The following ESS2 variants were observed in gnomAD, a reference collection of about 807,000 sequenced individuals.
ESS2 encodes the protein splicing factor ESS-2 homolog.
A neutral mutation model predicts 52.0 loss-of-function variants in ESS2; 31 were observed. The ratio of observed to expected loss-of-function variants is 0.60; its 90% CI spans 0.45 to 0.81. ESS2 has a LOEUF of 0.81. ESS2 is among the 30% of genes least tolerant of loss of function. The pLI, the probability that ESS2 is intolerant of heterozygous loss-of-function variation, is 0.00. For synonymous variants in ESS2, 285 were observed against 259.2 expected, an observed-to-expected ratio of 1.10 and a Z score of -0.95; for missense variants, 602 against 637.2, an observed-to-expected ratio of 0.94 and a Z score of 0.59.
At position 19,131,318 on chromosome 22, in the gene ESS2, G is replaced by C. The variant is rs878965288; in HGVS notation, c.*2878C>G. The C allele has an allele frequency of 7.8e-7, 1 of 1,287,024 alleles. No homozygotes were observed. Among genetic ancestry groups the C allele is most frequent in the Non-Finnish European group, 1.1e-6 (1 of 921,424 alleles). 79.7% of individuals were successfully genotyped at this position (1,287,024 alleles called of 1,614,324 possible). A position where few individuals can be genotyped will look rare whatever the true frequency, so the allele number is the denominator to read the frequency against. ...CAGGGCAGCCCAGCCAGACGCCTCC[G>C]GTAGTGTAAATGAGGACAATGCCTG... is the stretch of plus-strand genomic sequence containing the variant. On this transcript the variant is annotated 3_prime_UTR_variant, in exon 10 of 10. Transcript: ENST00000252137. The surrounding 1 kb of genome is among the most constrained non-coding windows in gnomAD (Gnocchi z 5.7).
chr22:19,136,811 G>A (rs550016958), intron 8 of ESS2, among the ~76,000 whole-genome samples: 26 of 152,216 alleles, frequency 1.7e-4, no homozygotes, highest in Non-Finnish European at 3.5e-4. Flanking sequence ...AAGTATTCTG[G>A]GGAAAGGCCC....
chr22:19,141,467 C>T (rs191871194), intron 3 of ESS2, among the ~76,000 whole-genome samples: 8 of 152,258 alleles, frequency 5.3e-5, no homozygotes, highest in South Asian at 2.1e-4. Context: ...TTTCCTAAAC[C>T]GACTCCCCCA....
chr22:19,131,315 T>C lies in ESS2; in HGVS notation c.*2881A>G. ...GCCCAGGGCAGCCCAGCCAGACGCC[T>C]CCGGTAGTGTAAATGAGGACAATGC... On this transcript the variant is annotated 3_prime_UTR_variant, in exon 10 of 10. Transcript: ENST00000252137. This position sits in a 1 kb window ranked among gnomAD's most constrained non-coding sequence, Gnocchi z 5.7. 7.9e-7 allele frequency: 1 copy of C among 1,268,896 alleles called. No individual in the cohort carries two copies. Among genetic ancestry groups the C allele is most frequent in the South Asian group, 1.4e-5 (1 of 69,924 alleles). The allele number at this position is 1,268,896 out of a possible 1,614,324, so 78.6% of individuals were successfully genotyped here.
At chr22:19,141,121 GAAAA>G (rs202201984) in intron 3 of ESS2, among the ~76,000 whole-genome samples, 1 of 131,718 alleles carries the variant, frequency 7.6e-6, no homozygotes, top group Non-Finnish European at 1.6e-5. Flanking sequence ...ATCTCTATAG[GAAAA>G]AAAAAAAAAA....
In ESS2 at chr22:19,134,327, C is replaced by T; in HGVS notation, c.1300G>A (p.Gly434Arg). ...RSTHLKTPASGLQTPTSTPAP... is the reference protein window; with the variant it reads ...RSTHLKTPASRLQTPTSTPAP... ...GGTGTGCTTGTGGGGGTCTGCAGCCCACTGGCCGGGGTCTTGAGGTGGGTG... is the reference window on the plus strand; with the variant it reads ...GGTGTGCTTGTGGGGGTCTGCAGCCTACTGGCCGGGGTCTTGAGGTGGGTG... The change falls in exon 10 of 10, where the codon GGG (glycine) becomes AGG (arginine). Residue 434 changes from glycine (G) to arginine (R), a missense_variant. By Grantham distance (125) the Gly-to-Arg change is moderately radical (BLOSUM62 -2). Transcript: ENST00000252137. 6.2e-7 allele frequency: 1 copy of T among 1,610,590 alleles called. No homozygotes were observed. The highest frequency in any genetic ancestry group is 8.5e-7 in the Non-Finnish European group (1 of 1,178,320).
chr22:19,139,509 A>C, intron 5 of ESS2, 103 bp downstream of exon 5: 2 of 1,308,238 alleles, frequency 1.5e-6, no homozygotes, highest in Non-Finnish European at 2.2e-6. Context: ...CCAAACTGCA[A>C]GGGGGCACGG....
chr22:19,144,100 G>A, intron 1 of ESS2: 2 of 1,011,726 alleles, frequency 2.0e-6, no homozygotes, highest in South Asian at 8.0e-5. Flanking sequence ...TGTGCGTGTG[G>A]TGGGGCGACG....
intron 8 of ESS2, 134 bp from the exon 9 acceptor site, chr22:19,135,309 C>G: frequency 7.4e-6 from 5 of 675,158 alleles, no homozygotes; most frequent in Non-Finnish European, 1.2e-5. Flanking sequence ...CATCACCTCC[C>G]ACTAAAAGCC....
chr22:19,141,403 G>A (rs534055068), intron 3 of ESS2, among the ~76,000 whole-genome samples: 4 of 152,304 alleles, frequency 2.6e-5, no homozygotes, highest in Admixed American at 6.5e-5. Flanking sequence ...GCCTGACAAC[G>A]CAGAAGTCCC....
At position 19,131,575 on chromosome 22, in the gene ESS2, G is replaced by A. The variant is rs768421897; in HGVS notation, c.*2621C>T. 9 of 1,614,056 alleles carry A rather than the reference G, an allele frequency of 5.6e-6. No individual in the cohort carries two copies. Among genetic ancestry groups the A allele is most frequent in the South Asian group, 5.5e-5 (5 of 91,068 alleles). The stretch of plus-strand genomic sequence containing the variant: ...GACTTTGTGGAGAGATTCCTTCCTC[G>A]GGAGATGGACATCCTGGCAACTGTC... On this transcript the variant is annotated 3_prime_UTR_variant, in exon 10 of 10. Coordinates refer to ENST00000252137, the MANE Select transcript of ESS2 (RefSeq NM_022719.3). This position sits in a 1 kb window ranked among gnomAD's most constrained non-coding sequence, Gnocchi z 5.7.
rs370268814 is a variant in ESS2 at position 19,134,113 on chromosome 22, C to T, written c.*83G>A. 2.9e-6 allele frequency: 4 copies of T among 1,392,202 alleles called. No homozygotes were observed. The African/African-American group carries it at 4.4e-5, about 15-fold the overall frequency. 86.2% of individuals were successfully genotyped at this position (1,392,202 alleles called of 1,614,324 possible). A position where few individuals can be genotyped will look rare whatever the true frequency, so the allele number is the denominator to read the frequency against. On this transcript the variant is annotated 3_prime_UTR_variant, in exon 10 of 10. Coordinates refer to ENST00000252137, the MANE Select transcript of ESS2 (RefSeq NM_022719.3). Reference sequence around the variant, plus strand: ...CAGCTTCTGGCCCAGGCCTGGGCCCCGAGAAGGCTGGAGTCCTCTGCTGGG... The same window carrying T: ...CAGCTTCTGGCCCAGGCCTGGGCCCTGAGAAGGCTGGAGTCCTCTGCTGGG...
intron 6 of ESS2, among the ~76,000 whole-genome samples, 198 bp downstream of exon 6, chr22:19,138,961 C>A (rs996034452): frequency 6.6e-6 from 1 of 152,216 alleles, no homozygotes; most frequent in South Asian, 2.1e-4. Context: ...TCTGGACCTA[C>A]AGAACGTGTG....
At chr22:19,143,216 A>AG (rs1555916426) in intron 1 of ESS2, among the ~76,000 whole-genome samples, 12 of 151,086 alleles carry the variant, frequency 7.9e-5, no homozygotes, top group South Asian at 2.1e-4. Flanking sequence ...AAAAAAAAAA[A>AG]AAAAGAAAAA....
At chr22:19,134,869 G>A (rs1283482898) in intron 9 of ESS2, among the ~76,000 whole-genome samples, 191 bp downstream of exon 9, 1 of 152,162 alleles carries the variant, frequency 6.6e-6, no homozygotes, top group Non-Finnish European at 1.5e-5. Flanking sequence ...AAGATGGAGG[G>A]GGCCTCTCAT....
Position 19,134,358 on chromosome 22 carries a change from T to G in ESS2, c.1269A>C (p.Ala423=), listed in dbSNP as rs2083543736. The change falls in exon 10 of 10, where the codon GCA becomes GCC. Residue 423 remains alanine (A), a synonymous_variant. Coordinates refer to ENST00000252137, the MANE Select transcript of ESS2 (RefSeq NM_022719.3). ...CCGGGGTCTTGAGGTGGGTGGAGCG[T>G]GCTGGGGATGGTGTGTAGCTGGCCC... is the stretch of plus-strand genomic sequence containing the variant. ...ALRASYTPSP[A]RSTHLKTPAS... 1.2e-6 allele frequency: 2 copies of G among 1,611,968 alleles called. No individual in the cohort carries two copies. Among genetic ancestry groups the G allele is most frequent in the Admixed American group, 3.3e-5 (2 of 59,828 alleles).
intron 7 of ESS2, 77 bp downstream of exon 7, chr22:19,138,138 C>A: frequency 2.5e-6 from 4 of 1,597,032 alleles, no homozygotes; most frequent in Non-Finnish European, 1.7e-6. Flanking sequence ...CCAGGAGTGG[C>A]CAGGGCCGAC....
chr22:19,141,215 G>A (rs1277759874), intron 3 of ESS2, among the ~76,000 whole-genome samples: 4 of 151,952 alleles, frequency 2.6e-5, no homozygotes, highest in Admixed American at 2.6e-4. Flanking sequence ...AGGACAACAA[G>A]GACTGTGTTA....
rs754545831 is a variant in ESS2, at chr22:19,131,765, C to A, written c.*2431G>T. On this transcript the variant is annotated 3_prime_UTR_variant, in exon 10 of 10. Coordinates refer to ENST00000252137, the MANE Select transcript of ESS2 (RefSeq NM_022719.3). The surrounding 1 kb of genome is among the most constrained non-coding windows in gnomAD (Gnocchi z 5.7). Reference sequence around the variant, plus strand: ...GCAAGATGTTCCGACAGCTCTCCTCCGCCGTCAAGTACTGCCACGACCTGG... The same window carrying A: ...GCAAGATGTTCCGACAGCTCTCCTCAGCCGTCAAGTACTGCCACGACCTGG... The A allele has an allele frequency of 6.2e-7, 1 of 1,614,190 alleles. No homozygotes were observed. The highest frequency in any genetic ancestry group is 1.6e-4 in the Middle Eastern group (1 of 6,062).
In ESS2 at chr22:19,131,558, G is replaced by A. The variant is rs144602456; in HGVS notation, c.*2638C>T. 3 of 1,614,026 alleles carry A rather than the reference G, an allele frequency of 1.9e-6. No individual in the cohort carries two copies. The highest frequency in any genetic ancestry group is 1.3e-5 in the African/African-American group (1 of 74,916). On this transcript the variant is annotated 3_prime_UTR_variant, in exon 10 of 10. Transcript: ENST00000252137. The surrounding 1 kb of genome is among the most constrained non-coding windows in gnomAD (Gnocchi z 5.7). ...GCAAGAAAACACCTACTGACTTTGT[G>A]GAGAGATTCCTTCCTCGGGAGATGG...
Sources: allele counts gnomAD v4.1 joint callset (sites outside exome capture counted in the v4.1 genomes callset), GRCh38; gene constraint gnomAD v4.1.1; non-coding constraint Gnocchi (gnomAD v3.1); transcripts MANE v1.5; gene names NCBI Gene and HGNC (gene_info 2026-07-23, HGNC 2026-07-21).